GRSF1: variants seen among roughly 807,000 people sequenced by gnomAD.
The protein encoded by GRSF1 is G-rich sequence factor 1.
In GRSF1, 50 loss-of-function variants were observed where a neutral mutation model predicts 51.1. The ratio of observed to expected loss-of-function variants is 0.98; its 90% CI spans 0.78 to 1.24. GRSF1 has a LOEUF of 1.24. Among genes scored for constraint, GRSF1 ranks in the 50% most tolerant of loss-of-function variants. The probability of loss-of-function intolerance (pLI) is 0.00; values close to 1 mark genes in which losing one functional copy is unlikely to be tolerated. For synonymous variants in GRSF1, 293 were observed against 253.3 expected (o/e 1.16, Z -1.49); for missense variants, 700 against 639.7 (o/e 1.09, Z -1.02).
Position 70,836,166 on chromosome 4 carries a change from A to AAGTTAAGC in GRSF1, c.498_505dup (p.Phe169CysfsTer21). On this transcript the variant is annotated frameshift_variant, in exon 2 of 10. Transcript: ENST00000254799. LOFTEE classifies it high-confidence loss of function. The stretch of plus-strand genomic sequence containing the variant: ...ACATACATAAAATATACCTGAAAAA[A>AAGTTAAGC]AGTTAAGCACATCTTCCATAGTGCA... 6.5e-7 allele frequency: 1 copy of AAGTTAAGC among 1,531,082 alleles called. No individual in the cohort carries two copies. Among genetic ancestry groups the AAGTTAAGC allele is most frequent in the Non-Finnish European group, 8.7e-7 (1 of 1,144,682 alleles). The allele number at this position is 1,531,082 out of a possible 1,614,324, so 94.8% of individuals were successfully genotyped here.
At chr4:70,824,967 T>C (rs1560594624) in intron 8 of GRSF1, among the ~76,000 whole-genome samples, 3 of 151,950 alleles carry the variant, frequency 2.0e-5, no homozygotes, top group African/African-American at 7.3e-5. Context: ...TCAGGCACGG[T>C]GCCAGGCACC....
chr4:70,829,265 A>T (rs1286320296), intron 5 of GRSF1, among the ~76,000 whole-genome samples: 1 of 152,090 alleles, frequency 6.6e-6, no homozygotes, highest in Non-Finnish European at 1.5e-5. Flanking sequence ...ATCTATAAAG[A>T]TTAGATGAGC....
At chr4:70,831,465 G>T in intron 5 of GRSF1, 74 bp downstream of exon 5, 1 of 1,314,192 alleles carries the variant, frequency 7.6e-7, no homozygotes, top group Non-Finnish European at 1.1e-6. Context: ...TAACTTTTCA[G>T]TCATATTACA....
Position 70,826,116 on chromosome 4 carries a change from C to T in GRSF1, c.1257+8G>A. 1.2e-6 allele frequency: 2 copies of T among 1,606,494 alleles called. No individual in the cohort carries two copies. Among genetic ancestry groups the T allele is most frequent in the Non-Finnish European group, 1.7e-6 (2 of 1,175,882 alleles). On this transcript the variant is annotated splice_region_variant and intron_variant, in intron 7 of 9. Coordinates refer to ENST00000254799, the MANE Select transcript of GRSF1 (RefSeq NM_002092.4). ...TCTATTGAGATTGGATATCTTACTG[C>T]CACACACGTTTATAATGTCTTGGGC...
upstream of GRSF1, among the ~76,000 whole-genome samples, chr4:70,842,849 A>G (rs368569297): frequency 2.6e-5 from 4 of 152,292 alleles, no homozygotes; most frequent in East Asian, 5.8e-4. Flanking sequence ...AGCCTGGGCA[A>G]CCTGGCGACA....
rs567955658 is a variant in GRSF1 at position 70,839,051 on chromosome 4, G to T, written c.357+420C>A. On this transcript the variant is annotated intron_variant, in intron 1 of 9. Coordinates refer to ENST00000254799, the MANE Select transcript of GRSF1 (RefSeq NM_002092.4). Reference sequence around the variant, plus strand: ...CCGAGAGGCGCCGAGGGCCGCCCAGGCCTAGCGCTCGGGCTGCACGGAAAC... The same window carrying T: ...CCGAGAGGCGCCGAGGGCCGCCCAGTCCTAGCGCTCGGGCTGCACGGAAAC... 1.7e-4 allele frequency: 180 copies of T among 1,076,250 alleles called. No homozygotes were observed. In the African/African-American group the frequency reaches 2.8e-3, roughly 17 times the overall value. The allele number at this position is 1,076,250 out of a possible 1,614,324, so 66.7% of individuals were successfully genotyped here.
At chr4:70,824,830 C>T (rs1488624016) in intron 8 of GRSF1, among the ~76,000 whole-genome samples, 4 of 152,118 alleles carry the variant, frequency 2.6e-5, no homozygotes, top group African/African-American at 9.7e-5. Context: ...AGGCTGGATG[C>T]GGTGGCTCAT....
intron 1 of GRSF1, chr4:70,839,210 C>T: frequency 2.1e-6 from 3 of 1,427,900 alleles, no homozygotes; most frequent in Non-Finnish European, 2.8e-6. Flanking sequence ...CCTCAACATT[C>T]ACCCCAGCCA....
chr4:70,823,496 C>G (rs1402429300), intron 9 of GRSF1, among the ~76,000 whole-genome samples: 1 of 121,426 alleles, frequency 8.2e-6, no homozygotes, highest in African/African-American at 2.9e-5. Context: ...TTTTTTTTTG[C>G]CCCCCACATC....
chr4:70,841,194 G>A (rs1013319604), upstream of GRSF1, among the ~76,000 whole-genome samples: 21 of 152,148 alleles, frequency 1.4e-4, no homozygotes, highest in Non-Finnish European at 2.6e-4. Context: ...TTGGGAGGCC[G>A]ATTGCTTCAG....
In GRSF1 at chr4:70,817,841, CA is replaced by C. The variant is rs567372293; in HGVS notation, c.*3045del. On this transcript the variant is annotated 3_prime_UTR_variant, in exon 10 of 10. Transcript: ENST00000254799. ...TTATAGCAGCTTTATTCCCTTCCTA[CA>C]AACTTCAGATTCTCTTCTAATTTGC... The C allele has an allele frequency of 2.0e-5, 3 of 152,202 alleles. No homozygotes were observed. In the South Asian group the frequency reaches 6.2e-4, roughly 32 times the overall value. The allele number at this position is 152,202 out of a possible 1,614,324, so 9.4% of individuals were successfully genotyped here.
Position 70,817,840 on chromosome 4 carries a change from A to G in GRSF1, c.*3047T>C, listed in dbSNP as rs1733369641. 6.6e-6 allele frequency: 1 copy of G among 152,298 alleles called. No homozygotes were observed. Among genetic ancestry groups the G allele is most frequent in the East Asian group, 1.9e-4 (1 of 5,188 alleles). 9.4% of individuals were successfully genotyped at this position (152,298 alleles called of 1,614,324 possible). ...TTTATAGCAGCTTTATTCCCTTCCT[A>G]CAAACTTCAGATTCTCTTCTAATTT... On this transcript the variant is annotated 3_prime_UTR_variant, in exon 10 of 10. Coordinates refer to ENST00000254799, the MANE Select transcript of GRSF1 (RefSeq NM_002092.4).
chr4:70,829,567 T>C (rs551441474), intron 5 of GRSF1, among the ~76,000 whole-genome samples: 2 of 152,194 alleles, frequency 1.3e-5, no homozygotes, highest in African/African-American at 2.4e-5. Flanking sequence ...AGTGGGAGGA[T>C]TGCTTGAGCC....
intron 5 of GRSF1, among the ~76,000 whole-genome samples, chr4:70,830,268 ACACG>A (rs1223696126): frequency 1.3e-5 from 2 of 152,046 alleles, no homozygotes; most frequent in Non-Finnish European, 2.9e-5. Flanking sequence ...CTACAAACAC[ACACG>A]CACGCACGCA....
At chr4:70,821,497 T>C (rs1223147273) in intron 9 of GRSF1, among the ~76,000 whole-genome samples, 1 of 151,820 alleles carries the variant, frequency 6.6e-6, no homozygotes, top group Non-Finnish European at 1.5e-5. Flanking sequence ...CCCCAGCTAC[T>C]TCATAGACTG....
chr4:70,833,608 C>A (rs906832466), intron 2 of GRSF1, among the ~76,000 whole-genome samples: 5 of 152,150 alleles, frequency 3.3e-5, no homozygotes, highest in African/African-American at 1.2e-4. Context: ...TAAATTTATA[C>A]ATAAGTGTCT....
chr4:70,816,048 CA>C lies in GRSF1; in HGVS notation c.*4838del, dbSNP rs1293099061. ...ATAGGCAAAATTAATCTACAGTGAA[CA>C]AAATCCTAACAGTAGCTGACTGCCA... On this transcript the variant is annotated 3_prime_UTR_variant, in exon 10 of 10. Coordinates refer to ENST00000254799, the MANE Select transcript of GRSF1 (RefSeq NM_002092.4). The C allele has an allele frequency of 1.3e-5, 2 of 152,140 alleles. No homozygotes were observed. The highest frequency in any genetic ancestry group is 2.4e-5 in the African/African-American group (1 of 41,398). 9.4% of individuals were successfully genotyped at this position (152,140 alleles called of 1,614,324 possible).
rs1296667692 is a variant in GRSF1 at position 70,817,212 on chromosome 4, C to G, written c.*3675G>C. On this transcript the variant is annotated 3_prime_UTR_variant, in exon 10 of 10. Transcript: ENST00000254799. ...AAAATATAAACAACTTTAAAATGAG[C>G]CTGCTTTTTTTTTTTCTGAGACAGG... 6.7e-6 allele frequency: 1 copy of G among 149,934 alleles called. No individual in the cohort carries two copies. Among genetic ancestry groups the G allele is most frequent in the Non-Finnish European group, 1.5e-5 (1 of 67,956 alleles). The allele number at this position is 149,934 out of a possible 1,614,324, so 9.3% of individuals were successfully genotyped here. A position where few individuals can be genotyped will look rare whatever the true frequency, so the allele number is the denominator to read the frequency against.
rs1280717506 is a variant in GRSF1 at position 70,839,580 on chromosome 4, G to A, written c.248C>T (p.Ala83Val). 22 of 1,420,654 alleles carry A rather than the reference G, an allele frequency of 1.5e-5. No homozygotes were observed. Among genetic ancestry groups the A allele is most frequent in the Admixed American group, 2.7e-5 (1 of 36,586 alleles). 88.0% of individuals were successfully genotyped at this position (1,420,654 alleles called of 1,614,324 possible). ...GGCGGCCGCGGCCGCGGCAGAGGTGGCCACAGCGGGAGGCCCCGCCAGCCT... is the reference window on the plus strand; with the variant it reads ...GGCGGCCGCGGCCGCGGCAGAGGTGACCACAGCGGGAGGCCCCGCCAGCCT... ...PGRLAGPPAV[A>V]TSAAAAAAAS... is the part of the protein sequence containing the mutation. The change falls in exon 1 of 10, where the codon GCC (alanine) becomes GTC (valine). Residue 83 changes from alanine to valine, a missense_variant. Transcript: ENST00000254799.
Sources: gnomAD v4.1 joint callset for allele counts (sites outside exome capture counted in the v4.1 genomes callset) on GRCh38, gnomAD v4.1.1 for gene constraint, MANE v1.5 for transcripts, NCBI Gene and HGNC (gene_info 2026-07-23, HGNC 2026-07-21) for gene names.